Variants in DNAI7 observed in about 807,000 individuals in gnomAD.
DNAI7 encodes the protein cancer susceptibility 1.
A neutral mutation model predicts 86.6 loss-of-function variants in DNAI7; 78 were observed. The ratio of observed to expected loss-of-function variants is 0.90; its 90% CI spans 0.75 to 1.09. The LOEUF (loss-of-function observed/expected upper bound fraction) is 1.09. Ranked by LOEUF, DNAI7 falls within the 50% of genes least tolerant of loss-of-function variation. The probability of loss-of-function intolerance (pLI) is 0.00; values close to 1 mark genes in which losing one functional copy is unlikely to be tolerated. For missense variants in DNAI7, 753 were observed against 810.2 expected (o/e 0.93, Z 0.86); for synonymous variants, 274 against 273.0 (o/e 1.00, Z -0.04).
At chr12:25,183,869 A>T (rs1315743758) in intron 2 of DNAI7, among the ~76,000 whole-genome samples, 1 of 152,044 alleles carries the variant, frequency 6.6e-6, no homozygotes, top group Non-Finnish European at 1.5e-5. Context: ...TTTGAGTGTT[A>T]TTCTGTATTA....
chr12:25,155,403 T>C lies in DNAI7; in HGVS notation c.208A>G (p.Arg70Gly), dbSNP rs745316180. Residue 70 changes from arginine (R) to glycine (G), a missense_variant, in exon 5 of 16, where the codon AGG (arginine) becomes GGG (glycine). Physicochemically the swap from Arg to Gly is moderately radical, Grantham distance 125. Coordinates refer to ENST00000395987, the MANE Select transcript of DNAI7 (RefSeq NM_018272.5). ...AGTTCTTCAAGTTCTTCATTTCTCC[T>C]TTCTAGATCCTGTTGCACAAGGACA... is the stretch of plus-strand genomic sequence containing the variant. Reference protein sequence around the residue: ...WHRLEAKDLERRNEELEELYL... With the variant: ...WHRLEAKDLEGRNEELEELYL... 1.3e-6 allele frequency: 2 copies of C among 1,581,602 alleles called. No homozygotes were observed. Among genetic ancestry groups the C allele is most frequent in the South Asian group, 2.3e-5 (2 of 88,880 alleles).
chr12:25,116,396 A>G (rs1017662815), intron 12 of DNAI7, among the ~76,000 whole-genome samples: 1 of 152,208 alleles, frequency 6.6e-6, no homozygotes, highest in Non-Finnish European at 1.5e-5. Context: ...CATGGTTTAA[A>G]AATTACTAGA....
intron 6 of DNAI7, among the ~76,000 whole-genome samples, chr12:25,154,009 T>A (rs1945866050): frequency 6.6e-6 from 1 of 152,140 alleles, no homozygotes; most frequent in African/African-American, 2.4e-5. Flanking sequence ...ATATTCCAAC[T>A]GAGGATAAAA....
chr12:25,122,141 T>C (rs1941400265), intron 10 of DNAI7, among the ~76,000 whole-genome samples: 2 of 152,132 alleles, frequency 1.3e-5, no homozygotes, highest in Non-Finnish European at 2.9e-5. Context: ...ATTTCATCTA[T>C]GAAACCATAC....
intron 1 of DNAI7, among the ~76,000 whole-genome samples, chr12:25,194,714 G>C (rs970956328): frequency 4.6e-5 from 7 of 152,186 alleles, no homozygotes; most frequent in Non-Finnish European, 8.8e-5. Flanking sequence ...TGCTGGAGAA[G>C]TACTAAAACA....
chr12:25,182,166 G>A (rs1033044885), intron 2 of DNAI7, among the ~76,000 whole-genome samples: 3 of 151,526 alleles, frequency 2.0e-5, no homozygotes, highest in African/African-American at 4.8e-5. Flanking sequence ...TGACCAACAC[G>A]GAGAAACCCC....
At chr12:25,163,064 C>T (rs548763556) in intron 2 of DNAI7, among the ~76,000 whole-genome samples, 6 of 152,260 alleles carry the variant, frequency 3.9e-5, no homozygotes, top group Admixed American at 6.5e-5. Context: ...GCCCCAATTG[C>T]GCAAGCGGGA....
intron 2 of DNAI7, among the ~76,000 whole-genome samples, chr12:25,174,954 C>CT (rs1358886030): frequency 6.6e-6 from 1 of 151,604 alleles, no homozygotes; most frequent in East Asian, 1.9e-4. Context: ...ACTTTGGGGA[C>CT]TTGTGGGGAA....
At chr12:25,141,029 A>G (rs966111808) in intron 9 of DNAI7, among the ~76,000 whole-genome samples, 1 of 152,172 alleles carries the variant, frequency 6.6e-6, no homozygotes, top group African/African-American at 2.4e-5. Flanking sequence ...ATGAAACTGA[A>G]TCCTCATCTC....
At chr12:25,174,462 T>C (rs542929979) in intron 2 of DNAI7, among the ~76,000 whole-genome samples, 1,494 of 94,106 alleles carry the variant, frequency 0.016, 371 homozygotes, top group Non-Finnish European at 0.026. Flanking sequence ...ATATATCATA[T>C]ATATCATATA....
intron 2 of DNAI7, among the ~76,000 whole-genome samples, chr12:25,182,334 C>T (rs538862705): frequency 1.7e-5 from 2 of 119,722 alleles, no homozygotes; most frequent in Non-Finnish European, 3.3e-5. Flanking sequence ...GCAACAAGAG[C>T]GAAACTTCAT....
intron 5 of DNAI7, 38 bp downstream of exon 5, chr12:25,155,273 G>T: frequency 8.9e-7 from 1 of 1,119,030 alleles, no homozygotes. Context: ...CTCTTGTGGT[G>T]ACAAAGGTAT....
intron 2 of DNAI7, among the ~76,000 whole-genome samples, 183 bp from the exon 3 acceptor site, chr12:25,161,380 G>A (rs1315004065): frequency 6.6e-6 from 1 of 152,202 alleles, no homozygotes; most frequent in Non-Finnish European, 1.5e-5. Flanking sequence ...GAAGGACAAA[G>A]TCTGGGAACA....
chr12:25,145,562 C>T (rs940102759), intron 8 of DNAI7, among the ~76,000 whole-genome samples: 1 of 152,080 alleles, frequency 6.6e-6, no homozygotes, highest in African/African-American at 2.4e-5. Flanking sequence ...ACTATATTGT[C>T]TCTGATTAGA....
At chr12:25,110,976 C>A (rs1351907720) in intron 14 of DNAI7, among the ~76,000 whole-genome samples, 1 of 152,096 alleles carries the variant, frequency 6.6e-6, no homozygotes, top group Non-Finnish European at 1.5e-5. Flanking sequence ...CTACATTCAA[C>A]AATGTAGAGT....
At chr12:25,115,045 C>G (rs1372451735) in intron 12 of DNAI7, among the ~76,000 whole-genome samples, 175 bp from the exon 13 acceptor site, 5 of 152,166 alleles carry the variant, frequency 3.3e-5, no homozygotes, top group African/African-American at 4.8e-5. Context: ...GGATCAAGTC[C>G]CACCTCCTCA....
intron 2 of DNAI7, among the ~76,000 whole-genome samples, chr12:25,175,129 TA>T (rs1948816856): frequency 6.6e-6 from 1 of 151,998 alleles, no homozygotes; most frequent in Non-Finnish European, 1.5e-5. Flanking sequence ...ATTTAAAAAA[TA>T]AATTAAAAAA....
intron 7 of DNAI7, 140 bp downstream of exon 7, chr12:25,149,488 A>G: frequency 1.8e-6 from 1 of 566,610 alleles, no homozygotes; most frequent in East Asian, 3.3e-5. Flanking sequence ...TTAAATCTGG[A>G]TAAATATATG....
intron 15 of DNAI7, among the ~76,000 whole-genome samples, chr12:25,109,406 G>A (rs1949594349): frequency 6.7e-6 from 1 of 149,094 alleles, no homozygotes; most frequent in Non-Finnish European, 1.5e-5. Context: ...TTTTTTAAGA[G>A]ATGGGGGTCT....
Sources: gnomAD v4.1 joint callset for allele counts (sites outside exome capture counted in the v4.1 genomes callset) on GRCh38, gnomAD v4.1.1 for gene constraint, MANE v1.5 for transcripts, NCBI Gene and HGNC (gene_info 2026-07-23, HGNC 2026-07-21) for gene names.